CNTNAP5: variants seen among roughly 807,000 people sequenced by gnomAD.
CNTNAP5 encodes the protein contactin-associated protein-like 5.
CNTNAP5 carries 72 observed loss-of-function variants against 150.2 expected under a neutral mutation model. The observed-to-expected ratio is 0.48, with a 90% CI of 0.40 to 0.58. The LOEUF (loss-of-function observed/expected upper bound fraction) is 0.58. Ranked by LOEUF, CNTNAP5 falls within the 20% of genes least tolerant of loss-of-function variation. The probability of loss-of-function intolerance (pLI) is 0.00; values close to 1 mark genes in which losing one functional copy is unlikely to be tolerated. For synonymous variants in CNTNAP5, 672 were observed against 619.8 expected (o/e 1.08, Z -1.25); for missense variants, 1,636 against 1,626.2 (o/e 1.01, Z -0.10).
intron 1 of CNTNAP5, among the ~76,000 whole-genome samples, chr2:124,142,647 G>T (rs1202782268): frequency 7.5e-6 from 1 of 132,704 alleles, no homozygotes; most frequent in Non-Finnish European, 1.6e-5. Flanking sequence ...GCAGTGTGTA[G>T]AGGGAAATTT....
intron 22 of CNTNAP5, among the ~76,000 whole-genome samples, chr2:124,910,290 A>G (rs1006334202): frequency 6.6e-6 from 1 of 152,076 alleles, no homozygotes; most frequent in African/African-American, 2.4e-5. Context: ...TAGGATGTGC[A>G]TGTTTATACA....
chr2:124,331,510 C>G (rs1412210807), intron 3 of CNTNAP5, among the ~76,000 whole-genome samples: 2 of 151,614 alleles, frequency 1.3e-5, no homozygotes, highest in Non-Finnish European at 2.9e-5. Flanking sequence ...CTGTTTTGTA[C>G]CTTTAGGTGC....
chr2:124,643,173 G>C (rs1307590908), intron 12 of CNTNAP5, among the ~76,000 whole-genome samples: 1 of 152,124 alleles, frequency 6.6e-6, no homozygotes, highest in Non-Finnish European at 1.5e-5. Context: ...ATGATGAACA[G>C]GTTCCTGCCT....
At chr2:124,664,850 C>T (rs1397844178) in intron 13 of CNTNAP5, among the ~76,000 whole-genome samples, 1 of 152,172 alleles carries the variant, frequency 6.6e-6, no homozygotes, top group Non-Finnish European at 1.5e-5. Flanking sequence ...CCATGCCCAC[C>T]TCATTTTTGT....
At chr2:124,277,033 T>C (rs1687899259) in intron 3 of CNTNAP5, among the ~76,000 whole-genome samples, 1 of 152,058 alleles carries the variant, frequency 6.6e-6, no homozygotes. Flanking sequence ...TTAATGACCT[T>C]GACAGGCCTC....
chr2:124,785,478 A>G (rs1386059409), intron 17 of CNTNAP5, among the ~76,000 whole-genome samples: 3 of 152,252 alleles, frequency 2.0e-5, no homozygotes, highest in Non-Finnish European at 2.9e-5. Flanking sequence ...AATGACTAAT[A>G]AGTTTATATG....
intron 12 of CNTNAP5, among the ~76,000 whole-genome samples, chr2:124,642,598 T>C (rs1394143): frequency 0.5 from 76,686 of 151,930 alleles, 20,649 homozygotes; most frequent in Non-Finnish European, 0.62. Context: ...CCTCTACCCA[T>C]GAACTTTGCC....
chr2:124,883,276 G>C (rs62173288), intron 21 of CNTNAP5, among the ~76,000 whole-genome samples: 1 of 151,854 alleles, frequency 6.6e-6, no homozygotes, highest in African/African-American at 2.4e-5. Flanking sequence ...TGCCCGGGCT[G>C]GTCTTGAACT....
At chr2:124,578,330 C>CAA (rs556025524) in intron 11 of CNTNAP5, among the ~76,000 whole-genome samples, 4 of 56,382 alleles carry the variant, frequency 7.1e-5, no homozygotes, top group Admixed American at 6.4e-4. Context: ...GACTTTGTCT[C>CAA]AAAAAAAAAA....
At position 124,241,982 on chromosome 2, in the gene CNTNAP5, A is replaced by G. The variant is rs4848925; in HGVS notation, c.188-218A>G. On this transcript the variant is annotated intron_variant, in intron 2 of 23. Coordinates refer to ENST00000682447, the MANE Select transcript of CNTNAP5 (RefSeq NM_001367498.1). ...ATAGGGATGGAAGCATGGAAGATAC[A>G]GCTTCTGGCATGAGTCTTAAACCAT... Among the ~76,000 whole-genome samples the G allele has an allele frequency of 3.3e-3, 508 of 152,286 alleles. 6 individuals carry two copies. Among genetic ancestry groups the G allele is most frequent in the East Asian group, 0.031 (160 of 5,170 alleles).
chr2:124,417,665 T>A lies in CNTNAP5; in HGVS notation c.529+75T>A, dbSNP rs139541946. 2.5e-4 allele frequency: 334 copies of A among 1,346,304 alleles called. No homozygotes were observed. The African/African-American group carries it at 4.2e-3, about 17-fold the overall frequency. 83.4% of individuals were successfully genotyped at this position (1,346,304 alleles called of 1,614,324 possible). On this transcript the variant is annotated intron_variant, in intron 4 of 23. Coordinates refer to ENST00000682447, the MANE Select transcript of CNTNAP5 (RefSeq NM_001367498.1). Reference sequence around the variant, plus strand: ...CCTACGTAACATCAGTTTATCTACATTGAGATTGACAATCATCTTATTTTA... The same window carrying A: ...CCTACGTAACATCAGTTTATCTACAATGAGATTGACAATCATCTTATTTTA...
At chr2:124,147,152 T>A (rs1684274091) in intron 1 of CNTNAP5, among the ~76,000 whole-genome samples, 1 of 152,138 alleles carries the variant, frequency 6.6e-6, no homozygotes, top group Non-Finnish European at 1.5e-5. Context: ...ATGATGAAAG[T>A]TGGGCTTTTG....
intron 21 of CNTNAP5, among the ~76,000 whole-genome samples, chr2:124,900,298 T>C (rs1314200843): frequency 6.6e-6 from 1 of 151,642 alleles, no homozygotes; most frequent in Non-Finnish European, 1.5e-5. Context: ...TACATATCAG[T>C]TAATGCTATT....
intron 14 of CNTNAP5, among the ~76,000 whole-genome samples, chr2:124,760,458 C>G (rs1010075676): frequency 6.6e-6 from 1 of 151,608 alleles, no homozygotes; most frequent in African/African-American, 2.4e-5. Context: ...TGAATGATAC[C>G]CCGCCCCCAC....
rs567929192 is a variant in CNTNAP5, at chr2:124,609,820, C to A, written c.1776C>A (p.Cys592Ter). ...TTCCAGCCATCTACGAGCAATCCTG[C>A]GAGGTGTACAGGCACCAGGGGAATA... ...TCHNSIYEQS[C>*]EVYRHQGNTA... The change falls in exon 12 of 24, where the codon TGC becomes TGA. Residue 592 changes from cysteine (C) to a stop codon, truncating the protein, a stop_gained. Coordinates refer to ENST00000682447, the MANE Select transcript of CNTNAP5 (RefSeq NM_001367498.1). LOFTEE classifies it high-confidence loss of function. 6.2e-7 allele frequency: 1 copy of A among 1,613,714 alleles called. No individual in the cohort carries two copies. The highest frequency in any genetic ancestry group is 8.5e-7 in the Non-Finnish European group (1 of 1,179,822).
At chr2:124,588,188 CTTTCTTTCT>C in intron 11 of CNTNAP5, among the ~76,000 whole-genome samples, 1 of 94,366 alleles carries the variant, frequency 1.1e-5, no homozygotes. Flanking sequence ...TTCTTTCTTT[CTTTCTTTCT>C]TTCTTTCTTT....
chr2:124,765,569 G>C (rs1993271), intron 16 of CNTNAP5, among the ~76,000 whole-genome samples: 1 of 152,268 alleles, frequency 6.6e-6, no homozygotes, highest in African/African-American at 2.4e-5. Context: ...TAAGTGGAAA[G>C]AGAGAAAACA....
chr2:124,119,814 C>CA, intron 1 of CNTNAP5, among the ~76,000 whole-genome samples: 1 of 152,264 alleles, frequency 6.6e-6, no homozygotes, highest in East Asian at 1.9e-4. Context: ...AAGTGATAGT[C>CA]AAAAGCTGCA....
intron 13 of CNTNAP5, among the ~76,000 whole-genome samples, chr2:124,716,171 A>G (rs1362845888): frequency 6.6e-6 from 1 of 152,160 alleles, no homozygotes; most frequent in Non-Finnish European, 1.5e-5. Flanking sequence ...CAAGGCCACT[A>G]TCAATATGAA....
Sources: allele counts gnomAD v4.1 joint callset (sites outside exome capture counted in the v4.1 genomes callset), GRCh38; gene constraint gnomAD v4.1.1; transcripts MANE v1.5; gene names NCBI Gene and HGNC (gene_info 2026-07-23, HGNC 2026-07-21).